HK2: variants seen among roughly 807,000 people sequenced by gnomAD.
The protein encoded by HK2 is hexokinase 2.
In HK2, 42 loss-of-function variants were observed where a neutral mutation model predicts 92.9. The ratio of observed to expected loss-of-function variants is 0.45; its 90% CI spans 0.35 to 0.58. The LOEUF (loss-of-function observed/expected upper bound fraction) is 0.58, where lower values mean the gene tolerates loss of function less well. HK2 is among the 20% of genes least tolerant of loss of function. HK2 has a pLI of 0.00. For synonymous variants in HK2, 422 were observed against 468.0 expected (o/e 0.90, Z 1.27); for missense variants, 978 against 1,245.1 (o/e 0.79, Z 3.23).
chr2:74,841,307 T>G (rs1421875205), intron 1 of HK2, among the ~76,000 whole-genome samples: 1 of 151,620 alleles, frequency 6.6e-6, no homozygotes, highest in Non-Finnish European at 1.5e-5. Context: ...GAGGCAGGTT[T>G]GGGTGAGTGT....
chr2:74,875,187 A>C (rs1036320565), intron 7 of HK2, among the ~76,000 whole-genome samples: 2 of 152,174 alleles, frequency 1.3e-5, no homozygotes, highest in Non-Finnish European at 2.9e-5. Context: ...AGCAGTTGCA[A>C]AATATTTTGA....
At chr2:74,889,586 C>T (rs1293087110) in intron 17 of HK2, 108 bp downstream of exon 17, 2 of 799,676 alleles carry the variant, frequency 2.5e-6, no homozygotes, top group African/African-American at 3.4e-5. Flanking sequence ...TCAGCCATTC[C>T]AAATAGTGTA....
At chr2:74,837,666 C>T (rs1366097750) in intron 1 of HK2, among the ~76,000 whole-genome samples, 1 of 148,140 alleles carries the variant, frequency 6.8e-6, no homozygotes, top group Admixed American at 7.0e-5. Flanking sequence ...GTCCTTTTGC[C>T]CTTGTCTTTT....
At chr2:74,863,619 G>C (rs1414966671) in intron 2 of HK2, among the ~76,000 whole-genome samples, 1 of 152,184 alleles carries the variant, frequency 6.6e-6, no homozygotes, top group Non-Finnish European at 1.5e-5. Flanking sequence ...AGGACTTGGA[G>C]ATGTATCTTT....
At chr2:74,886,772 C>A in intron 15 of HK2, 99 bp downstream of exon 15, 1 of 1,244,666 alleles carries the variant, frequency 8.0e-7, no homozygotes, top group Non-Finnish European at 1.2e-6. Context: ...CGCCGGTTCT[C>A]GTGAGATGTT....
Position 74,854,367 on chromosome 2 carries a change from G to A in HK2, c.138G>A (p.Glu46=), listed in dbSNP as rs781053032. 8 of 1,614,092 alleles carry A rather than the reference G, an allele frequency of 5.0e-6. No individual in the cohort carries two copies. In the Admixed American group the frequency reaches 6.7e-5, roughly 13 times the overall value. Residue 46 remains glutamate (E), a synonymous_variant, in exon 2 of 18, where the codon GAG becomes GAA. Transcript: ENST00000290573. ...LLEISKRFRK[E]MEKGLGATTH... ...AGATCTCTAAGCGGTTCCGCAAGGA[G>A]ATGGAGAAAGGGCTTGGAGCCACCA... is the stretch of plus-strand genomic sequence containing the variant.
Position 74,891,261 on chromosome 2 carries a change from G to A in HK2, c.*320G>A, listed in dbSNP as rs1689670743. On this transcript the variant is annotated 3_prime_UTR_variant, in exon 18 of 18. Transcript: ENST00000290573. ...ATGTCCCTGTATAATTCTACAGGAT[G>A]GGGACACTAATGAAGATACGGTTGC... 2.6e-6 allele frequency: 1 copy of A among 379,446 alleles called. No homozygotes were observed. The highest frequency in any genetic ancestry group is 5.0e-6 in the Non-Finnish European group (1 of 198,908). The allele number at this position is 379,446 out of a possible 1,614,324, so 23.5% of individuals were successfully genotyped here.
rs1160253388 is a variant in HK2 at position 74,889,481 on chromosome 2, G to A, written c.2609+3G>A. ...ACCCTCTACAAGCTACATCCTCAGTGAGTGCCTGATCCCAGCCCCCCCTGC... is the reference window on the plus strand; with the variant it reads ...ACCCTCTACAAGCTACATCCTCAGTAAGTGCCTGATCCCAGCCCCCCCTGC... On this transcript the variant is annotated splice_donor_region_variant and intron_variant, in intron 17 of 17. Transcript: ENST00000290573. 1.9e-6 allele frequency: 3 copies of A among 1,587,894 alleles called. No homozygotes were observed. Among genetic ancestry groups the A allele is most frequent in the African/African-American group, 1.3e-5 (1 of 74,470 alleles).
In HK2 at chr2:74,867,818, C is replaced by CA. The variant is rs772684186; in HGVS notation, c.375+40dup. On this transcript the variant is annotated intron_variant, in intron 3 of 17. Coordinates refer to ENST00000290573, the MANE Select transcript of HK2 (RefSeq NM_000189.5). ...CTTCTCTCAGGGCAGCCCCTGGTGA[C>CA]AAAAAACTTCCTTGGCATGTTCTTT... 43 of 1,612,932 alleles carry CA rather than the reference C, an allele frequency of 2.7e-5. 1 individual carries two copies. In the Admixed American group the frequency reaches 3.2e-4, roughly 12 times the overall value.
chr2:74,866,849 G>A (rs1482519477), intron 2 of HK2, among the ~76,000 whole-genome samples: 3 of 152,168 alleles, frequency 2.0e-5, no homozygotes, highest in East Asian at 1.9e-4. Flanking sequence ...GCCTCAATGT[G>A]TTGGTCCTCA....
chr2:74,853,222 G>T (rs2103880164), intron 1 of HK2, among the ~76,000 whole-genome samples: 1 of 152,196 alleles, frequency 6.6e-6, no homozygotes. Context: ...CTTACCATAA[G>T]ATTAGGAGGT....
chr2:74,886,757 C>A, intron 15 of HK2, 84 bp downstream of exon 15: 1 of 1,385,636 alleles, frequency 7.2e-7, no homozygotes, highest in South Asian at 1.2e-5. Flanking sequence ...TGGCATCTCC[C>A]AGGACGCCGG....
At chr2:74,844,104 A>G (rs971833603) in intron 1 of HK2, among the ~76,000 whole-genome samples, 1 of 152,098 alleles carries the variant, frequency 6.6e-6, no homozygotes, top group Non-Finnish European at 1.5e-5. Context: ...TGGGACAACT[A>G]TGTTTCAGTT....
chr2:74,875,330 T>TTC (rs1308186781), intron 7 of HK2, among the ~76,000 whole-genome samples: 2 of 146,776 alleles, frequency 1.4e-5, no homozygotes, highest in African/African-American at 5.1e-5. Flanking sequence ...TGCTTTCGTT[T>TTC]TTTTTTTTTT....
rs1175688830 is a variant in HK2 at position 74,868,005 on chromosome 2, A to G, written c.375+221A>G. The G allele has an allele frequency of 7.4e-6, 4 of 540,238 alleles. No homozygotes were observed. The Admixed American group carries it at 1.1e-4, about 14-fold the overall frequency. The allele number at this position is 540,238 out of a possible 1,614,324, so 33.5% of individuals were successfully genotyped here. On this transcript the variant is annotated intron_variant, in intron 3 of 17. Coordinates refer to ENST00000290573, the MANE Select transcript of HK2 (RefSeq NM_000189.5). Reference sequence around the variant, plus strand: ...TCAGTATTAAAAGGAGTGACTAGAGAAGAAGCATGAAATCCAAGTAAGACG... The same window carrying G: ...TCAGTATTAAAAGGAGTGACTAGAGGAGAAGCATGAAATCCAAGTAAGACG...
In HK2 at chr2:74,881,812, A is replaced by G. The variant is rs779324182; in HGVS notation, c.1672A>G (p.Lys558Glu). The change falls in exon 11 of 18, where the codon AAG becomes GAG. Residue 558 changes from lysine (K) to glutamate (E), a missense_variant. By Grantham distance (56) the Lys-to-Glu change is moderately conservative. Transcript: ENST00000290573. ...GTGGGGTGGAGTGGAGATGCACAAC[A>G]AGATCTACGCCATCCCGCAGGAGGT... ...GKWGGVEMHN[K>E]IYAIPQEVMH... 7.4e-6 allele frequency: 12 copies of G among 1,613,888 alleles called. No individual in the cohort carries two copies. In the African/African-American group the frequency reaches 1.5e-4, roughly 20 times the overall value.
chr2:74,856,607 A>G (rs1423947248), intron 2 of HK2, among the ~76,000 whole-genome samples: 2 of 152,220 alleles, frequency 1.3e-5, no homozygotes, highest in African/African-American at 4.8e-5. Context: ...TTCTAAATAC[A>G]TATGGGCTAA....
At chr2:74,845,431 G>C (rs1164318931) in intron 1 of HK2, among the ~76,000 whole-genome samples, 1 of 152,256 alleles carries the variant, frequency 6.6e-6, no homozygotes, top group Non-Finnish European at 1.5e-5. Flanking sequence ...TCTGAGGACA[G>C]GAGGACCCTG....
At chr2:74,888,151 T>G (rs1044618658) in intron 16 of HK2, 93 bp downstream of exon 16, 3 of 1,401,360 alleles carry the variant, frequency 2.1e-6, no homozygotes, top group African/African-American at 2.8e-5. Context: ...AGGGCATGAC[T>G]CATACAAAAG....
Sources: gnomAD v4.1 joint callset for allele counts (sites outside exome capture counted in the v4.1 genomes callset) on GRCh38, gnomAD v4.1.1 for gene constraint, MANE v1.5 for transcripts, NCBI Gene and HGNC (gene_info 2026-07-23, HGNC 2026-07-21) for gene names.